The following BANK1 variants were observed in gnomAD, a reference collection of about 807,000 sequenced individuals.
The protein encoded by BANK1 is B cell scaffold protein with ankyrin repeats 1.
Under a neutral mutation model 94.5 loss-of-function variants are expected in BANK1, and 95 were observed. The ratio of observed to expected loss-of-function variants is 1.00; its 90% confidence interval spans 0.85 to 1.19. The LOEUF (loss-of-function observed/expected upper bound fraction) is 1.19. BANK1 is among the 50% of genes most tolerant of loss of function. BANK1 has a pLI of 0.00. For missense variants in BANK1, 987 were observed against 932.2 expected (o/e 1.06, Z -0.77); for synonymous variants, 334 against 308.4 (o/e 1.08, Z -0.87).
At chr4:101,858,548 C>T (rs1346605950) in intron 3 of BANK1, among the ~76,000 whole-genome samples, 1 of 152,040 alleles carries the variant, frequency 6.6e-6, no homozygotes, top group Non-Finnish European at 1.5e-5. Flanking sequence ...GTAGAATCTG[C>T]CCACTGTAAT....
rs745722054 is a variant in BANK1 at position 102,025,331 on chromosome 4, A to G, written c.1416A>G (p.Pro472=). Residue 472 remains proline, a synonymous_variant, in exon 9 of 17, where the codon CCA becomes CCG. Coordinates refer to ENST00000322953, the MANE Select transcript of BANK1 (RefSeq NM_017935.5). The part of the protein sequence containing the change: ...NGSGMETKHS[P]LEVGSESSED... ...CAGGCATGGAGACCAAACACAGCCC[A>G]CTAGAGGTTGGCAGTGAGAGTTCTG... The G allele has an allele frequency of 1.9e-6, 3 of 1,614,166 alleles. No homozygotes were observed. The highest frequency in any genetic ancestry group is 2.2e-5 in the East Asian group (1 of 44,862).
chr4:101,871,605 T>C (rs542944779), intron 5 of BANK1, among the ~76,000 whole-genome samples: 147 of 152,254 alleles, frequency 9.7e-4, no homozygotes, highest in African/African-American at 3.2e-3. Context: ...GGTAGTGAAA[T>C]AACATTTGTC....
chr4:101,805,475 G>A (rs557675400), intron 1 of BANK1, among the ~76,000 whole-genome samples: 238 of 152,124 alleles, frequency 1.6e-3, no homozygotes, highest in African/African-American at 5.4e-3. Flanking sequence ...TACCAAGAGT[G>A]ACATTAGAGT....
chr4:101,917,860 A>G, intron 6 of BANK1, 133 bp from the exon 7 acceptor site: 3 of 515,538 alleles, frequency 5.8e-6, no homozygotes, highest in East Asian at 2.9e-5. Flanking sequence ...TTCTAGAACT[A>G]TTGATAGTTT....
intron 2 of BANK1, among the ~76,000 whole-genome samples, chr4:101,839,048 G>A (rs1325101405): frequency 6.6e-6 from 1 of 152,058 alleles, no homozygotes; most frequent in East Asian, 1.9e-4. Flanking sequence ...AACACAATAG[G>A]TAGTTTAAAC....
chr4:101,849,090 T>A (rs1727369643), intron 2 of BANK1, among the ~76,000 whole-genome samples: 1 of 152,232 alleles, frequency 6.6e-6, no homozygotes, highest in Admixed American at 6.5e-5. Context: ...TGTAAAAACC[T>A]GTAGTGTACT....
intron 7 of BANK1, among the ~76,000 whole-genome samples, chr4:102,018,081 A>G (rs1726772239): frequency 6.6e-6 from 1 of 151,994 alleles, no homozygotes; most frequent in South Asian, 2.1e-4. Context: ...CTAAGACATT[A>G]CTCTCCTATA....
At chr4:101,874,600 T>G (rs1403422826) in intron 5 of BANK1, among the ~76,000 whole-genome samples, 1 of 152,208 alleles carries the variant, frequency 6.6e-6, no homozygotes, top group East Asian at 1.9e-4. Context: ...TTTCAGTGGC[T>G]TACTGGATAA....
intron 1 of BANK1, among the ~76,000 whole-genome samples, chr4:101,791,588 C>T (rs976052654): frequency 1.3e-5 from 2 of 152,144 alleles, no homozygotes; most frequent in Non-Finnish European, 2.9e-5. Context: ...TGAAGCATTT[C>T]AAATGCATTT....
chr4:102,008,975 T>C (rs73834557), intron 7 of BANK1, among the ~76,000 whole-genome samples: 199 of 152,322 alleles, frequency 1.3e-3, no homozygotes, highest in African/African-American at 4.0e-3. Flanking sequence ...TCACTTGTTT[T>C]CTCTGGCCCC....
intron 7 of BANK1, among the ~76,000 whole-genome samples, chr4:101,919,360 G>T (rs142395647): frequency 4.1e-4 from 62 of 151,956 alleles, no homozygotes; most frequent in African/African-American, 1.4e-3. Context: ...TCCACTTCTT[G>T]CTCTCCAGTA....
chr4:101,795,419 TG>T (rs1426399079), intron 1 of BANK1, among the ~76,000 whole-genome samples: 1 of 152,168 alleles, frequency 6.6e-6, no homozygotes, highest in East Asian at 1.9e-4. Flanking sequence ...TAAGTCACCA[TG>T]TTTTTTTTTC....
At chr4:102,048,023 C>T (rs1206384611) in intron 11 of BANK1, among the ~76,000 whole-genome samples, 1 of 152,122 alleles carries the variant, frequency 6.6e-6, no homozygotes, top group Non-Finnish European at 1.5e-5. Flanking sequence ...TAATCAAGGT[C>T]AATTACCTCT....
intron 1 of BANK1, among the ~76,000 whole-genome samples, chr4:101,815,079 A>C (rs1012185928): frequency 1.3e-5 from 2 of 152,154 alleles, no homozygotes; most frequent in African/African-American, 4.8e-5. Flanking sequence ...TGCCTTTGTT[A>C]CTGATGAAGT....
intron 1 of BANK1, among the ~76,000 whole-genome samples, chr4:101,796,145 TAGAA>T (rs1208802266): frequency 5.9e-5 from 9 of 152,172 alleles, no homozygotes; most frequent in African/African-American, 2.2e-4. Flanking sequence ...GATGCATAAG[TAGAA>T]AGAAACTGTG....
At chr4:101,845,622 A>AT (rs1727214141) in intron 2 of BANK1, among the ~76,000 whole-genome samples, 1 of 152,212 alleles carries the variant, frequency 6.6e-6, no homozygotes, top group East Asian at 1.9e-4. Context: ...GTGAAAACCA[A>AT]TTGACAACAT....
At chr4:101,853,774 A>G (rs1022696959) in intron 2 of BANK1, among the ~76,000 whole-genome samples, 4 of 152,124 alleles carry the variant, frequency 2.6e-5, no homozygotes, top group Admixed American at 1.3e-4. Flanking sequence ...CAGAACCCAA[A>G]CCAGGAAATT....
intron 1 of BANK1, 81 bp downstream of exon 1, chr4:101,791,031 C>T (rs946727921): frequency 3.4e-6 from 4 of 1,165,608 alleles, no homozygotes; most frequent in Admixed American, 6.1e-5. Context: ...CATCGTTAGA[C>T]AACTGCACTC....
chr4:101,921,464 T>A (rs999411483), intron 7 of BANK1, among the ~76,000 whole-genome samples: 6 of 152,048 alleles, frequency 3.9e-5, no homozygotes, highest in African/African-American at 1.4e-4. Flanking sequence ...GAAAACAAAC[T>A]GGAACTTGGC....
Sources: gnomAD v4.1 joint callset for allele counts (sites outside exome capture counted in the v4.1 genomes callset) on GRCh38, gnomAD v4.1.1 for gene constraint, MANE v1.5 for transcripts, NCBI Gene and HGNC (gene_info 2026-07-23, HGNC 2026-07-21) for gene names.